MCTP1: variants seen among roughly 807,000 people sequenced by gnomAD.
MCTP1 encodes multiple C2 and transmembrane domain containing 1.
MCTP1 carries 69 observed loss-of-function variants against 120.6 expected under a neutral mutation model. The observed-to-expected ratio is 0.57, with a 90% CI of 0.47 to 0.70. The LOEUF is 0.70. Ranked by LOEUF, MCTP1 falls within the 30% of genes least tolerant of loss-of-function variation. MCTP1 has a pLI of 0.00. For synonymous variants in MCTP1, 529 were observed against 493.1 expected, an observed-to-expected ratio of 1.07 and a Z score of -0.96; for missense variants, 1,203 against 1,248.8, an observed-to-expected ratio of 0.96 and a Z score of 0.55.
At chr5:95,045,896 T>C (rs929883528) in intron 1 of MCTP1, among the ~76,000 whole-genome samples, 2 of 152,164 alleles carry the variant, frequency 1.3e-5, no homozygotes, top group African/African-American at 4.8e-5. Context: ...GGCTCTGATA[T>C]TTTCTTAGAA....
intron 1 of MCTP1, among the ~76,000 whole-genome samples, chr5:95,165,870 C>A (rs1267176492): frequency 6.6e-6 from 1 of 152,114 alleles, no homozygotes; most frequent in Non-Finnish European, 1.5e-5. Context: ...CCCAATTGGT[C>A]CAGAATTTTG....
At chr5:94,716,239 A>G in intron 19 of MCTP1, among the ~76,000 whole-genome samples, 1 of 152,220 alleles carries the variant, frequency 6.6e-6, no homozygotes, top group East Asian at 1.9e-4. Flanking sequence ...TGCTTATGCC[A>G]AAATGGATTG....
chr5:94,934,153 T>C (rs1473293222), intron 5 of MCTP1, among the ~76,000 whole-genome samples: 2 of 151,650 alleles, frequency 1.3e-5, no homozygotes, highest in East Asian at 1.9e-4. Context: ...GTAGTTGAGT[T>C]AAGGTCGATT....
chr5:94,959,893 T>G (rs1202174089), intron 2 of MCTP1, among the ~76,000 whole-genome samples: 22 of 152,190 alleles, frequency 1.4e-4, no homozygotes, highest in Admixed American at 1.4e-3. Context: ...TACCATTGAC[T>G]TTCTTCAGAG....
At chr5:94,762,163 G>A (rs1187145516) in intron 19 of MCTP1, among the ~76,000 whole-genome samples, 2 of 152,194 alleles carry the variant, frequency 1.3e-5, no homozygotes, top group East Asian at 1.9e-4. Context: ...CAAACATGGC[G>A]GGCTTTGGAG....
At chr5:94,730,112 A>G (rs1762857965) in intron 19 of MCTP1, among the ~76,000 whole-genome samples, 1 of 151,158 alleles carries the variant, frequency 6.6e-6, no homozygotes, top group Non-Finnish European at 1.5e-5. Flanking sequence ...AAACCAAGAA[A>G]AACAGAAATC....
At chr5:95,250,723 A>G (rs1757304303) in intron 1 of MCTP1, among the ~76,000 whole-genome samples, 1 of 152,200 alleles carries the variant, frequency 6.6e-6, no homozygotes, top group Non-Finnish European at 1.5e-5. Context: ...TGCCTAGAAC[A>G]ATACTTAGCA....
At chr5:94,749,996 T>C (rs1045038017) in intron 19 of MCTP1, among the ~76,000 whole-genome samples, 1 of 152,252 alleles carries the variant, frequency 6.6e-6, no homozygotes, top group African/African-American at 2.4e-5. Flanking sequence ...TACTTCAGTC[T>C]GTACAATCAC....
chr5:95,115,261 T>C (rs1757733275), intron 1 of MCTP1, among the ~76,000 whole-genome samples: 1 of 152,012 alleles, frequency 6.6e-6, no homozygotes, highest in Non-Finnish European at 1.5e-5. Context: ...CAGGAAAACA[T>C]AATCTCACCA....
intron 1 of MCTP1, among the ~76,000 whole-genome samples, chr5:95,061,408 GTTTTTTTTTTTTTTTTTTTTTTTTTTT>G (rs556663513): frequency 0.011 from 385 of 33,500 alleles, 21 homozygotes; most frequent in South Asian, 0.042. Context: ...CCCCTTAAGG[GTTTTTTTTTTTTTTTTTTTTTTTTTTT>G]TTTTTTTTTT....
At chr5:95,168,054 T>C (rs1275786541) in intron 1 of MCTP1, among the ~76,000 whole-genome samples, 3 of 151,882 alleles carry the variant, frequency 2.0e-5, no homozygotes, top group Admixed American at 6.6e-5. Flanking sequence ...CTTTAATCCA[T>C]CTTGAATTAA....
At chr5:95,233,596 T>C (rs1298193632) in intron 1 of MCTP1, among the ~76,000 whole-genome samples, 1 of 152,224 alleles carries the variant, frequency 6.6e-6, no homozygotes, top group African/African-American at 2.4e-5. Context: ...CCCAAAGTGC[T>C]GGGATTACAG....
At chr5:95,125,645 T>C (rs1451690620) in intron 1 of MCTP1, among the ~76,000 whole-genome samples, 1 of 152,228 alleles carries the variant, frequency 6.6e-6, no homozygotes, top group Non-Finnish European at 1.5e-5. Context: ...TATTTATTTG[T>C]TGTGTTCTTT....
chr5:95,212,979 C>T (rs1021506743), intron 1 of MCTP1, among the ~76,000 whole-genome samples: 5 of 152,166 alleles, frequency 3.3e-5, no homozygotes, highest in Non-Finnish European at 5.9e-5. Context: ...TCTCTCACCA[C>T]TCCTATTCAA....
chr5:95,177,061 A>C (rs1748079807), intron 1 of MCTP1, among the ~76,000 whole-genome samples: 1 of 151,606 alleles, frequency 6.6e-6, no homozygotes, highest in Admixed American at 6.6e-5. Context: ...CATGAAATAC[A>C]CATACATAAT....
At chr5:95,111,931 G>A (rs1272173991) in intron 1 of MCTP1, among the ~76,000 whole-genome samples, 1 of 152,026 alleles carries the variant, frequency 6.6e-6, no homozygotes, top group Non-Finnish European at 1.5e-5. Flanking sequence ...ATACCTTGTT[G>A]ATGTATGTTA....
intron 18 of MCTP1, among the ~76,000 whole-genome samples, chr5:94,784,135 C>T (rs1777131091): frequency 1.3e-5 from 2 of 152,086 alleles, no homozygotes; most frequent in African/African-American, 4.8e-5. Flanking sequence ...GTTTCATATT[C>T]ATAGATCATC....
intron 1 of MCTP1, among the ~76,000 whole-genome samples, chr5:95,174,931 C>CT (rs1050778755): frequency 1.5e-4 from 23 of 151,930 alleles, no homozygotes; most frequent in African/African-American, 4.4e-4. Flanking sequence ...TTTGTATTCT[C>CT]TTTTTTTTCC....
intron 1 of MCTP1, among the ~76,000 whole-genome samples, chr5:95,155,617 A>G (rs887137646): frequency 2.0e-5 from 3 of 152,166 alleles, no homozygotes; most frequent in Non-Finnish European, 4.4e-5. Context: ...AATCCAGTTT[A>G]GGATTTTAAT....
Sources: allele counts gnomAD v4.1 joint callset (sites outside exome capture counted in the v4.1 genomes callset), GRCh38; gene constraint gnomAD v4.1.1; transcripts MANE v1.5; gene names NCBI Gene and HGNC (gene_info 2026-07-23, HGNC 2026-07-21).